Variants in NSD3 observed in about 807,000 individuals in gnomAD.
The protein encoded by NSD3 is histone-lysine N-methyltransferase NSD3.
Under a neutral mutation model 160.8 loss-of-function variants are expected in NSD3, and 24 were observed. That is an observed-to-expected ratio of 0.15 (90% CI 0.11 to 0.21). The LOEUF (loss-of-function observed/expected upper bound fraction) is 0.21. Among genes scored for constraint, NSD3 ranks in the 10% least tolerant of loss-of-function variants. The pLI, the probability that NSD3 is intolerant of heterozygous loss-of-function variation, is 1.00. For synonymous variants in NSD3, 520 were observed against 600.0 expected (o/e 0.87, Z 1.95); for missense variants, 1,157 against 1,735.9 (o/e 0.67, Z 5.93).
Position 38,319,446 on chromosome 8 carries a change from A to G in NSD3, c.1810-506T>C, listed in dbSNP as rs962439757. ...TAGAGAGTGCTACAGGGCTCCATACAGCTGGAAGCTCAATACTTTTGCTGC... is the reference window on the plus strand; with the variant it reads ...TAGAGAGTGCTACAGGGCTCCATACGGCTGGAAGCTCAATACTTTTGCTGC... On this transcript the variant is annotated intron_variant, in intron 8 of 23. Transcript: ENST00000317025. This position sits in a 1 kb window ranked among gnomAD's most constrained non-coding sequence, Gnocchi z 4.1. Among the ~76,000 whole-genome samples, 2 of 152,220 alleles carry G rather than the reference A, an allele frequency of 1.3e-5. No individual in the cohort carries two copies. The highest frequency in any genetic ancestry group is 2.9e-5 in the Non-Finnish European group (2 of 68,036).
At chr8:38,322,174 T>C (rs1162739441) in intron 7 of NSD3, among the ~76,000 whole-genome samples, 2 of 152,336 alleles carry the variant, frequency 1.3e-5, no homozygotes, top group East Asian at 3.9e-4. Context: ...TCTGGTTTCA[T>C]TGCTCTTGGC....
At chr8:38,379,151 C>T (rs965395333) in intron 1 of NSD3, among the ~76,000 whole-genome samples, 1 of 151,722 alleles carries the variant, frequency 6.6e-6, no homozygotes, top group Non-Finnish European at 1.5e-5. Flanking sequence ...GGCTGATGGA[C>T]ATATTAATTG....
At chr8:38,375,178 A>C (rs1430330262) in intron 1 of NSD3, among the ~76,000 whole-genome samples, 4 of 152,204 alleles carry the variant, frequency 2.6e-5, no homozygotes, top group African/African-American at 9.6e-5. Flanking sequence ...GCTAAAACTG[A>C]AACAGTATGA....
Position 38,283,959 on chromosome 8 carries a change from C to G in NSD3, c.3502-2376G>C, listed in dbSNP as rs1808794719. Among the ~76,000 whole-genome samples, 6 of 152,106 alleles carry G rather than the reference C, an allele frequency of 3.9e-5. 1 individual carries two copies. Among genetic ancestry groups the G allele is most frequent in the Admixed American group, 3.9e-4 (6 of 15,256 alleles). ...TCTACAAAAAATAAAAAGCATCAGC[C>G]AGGTGTGGTGGTGCATGGCTGTGGT... On this transcript the variant is annotated intron_variant, in intron 19 of 23. Coordinates refer to ENST00000317025, the MANE Select transcript of NSD3 (RefSeq NM_023034.2).
chr8:38,316,138 T>C lies in NSD3; in HGVS notation c.1856-96A>G, dbSNP rs1809657275. On this transcript the variant is annotated intron_variant, in intron 9 of 23. Coordinates refer to ENST00000317025, the MANE Select transcript of NSD3 (RefSeq NM_023034.2). The surrounding 1 kb of genome is among the most constrained non-coding windows in gnomAD (Gnocchi z 4.5). ...AGAATATTTTCTTTTCTCAAACTCA[T>C]CTTTAGTGTGGAAAAAGCATAGCTC... The C allele has an allele frequency of 6.7e-7, 1 of 1,499,340 alleles. No individual in the cohort carries two copies. Among genetic ancestry groups the C allele is most frequent in the Non-Finnish European group, 9.0e-7 (1 of 1,116,042 alleles). 92.9% of individuals were successfully genotyped at this position (1,499,340 alleles called of 1,614,324 possible). A position where few individuals can be genotyped will look rare whatever the true frequency, so the allele number is the denominator to read the frequency against.
intron 1 of NSD3, chr8:38,380,750 TAGAA>T (rs1489508745): frequency 6.6e-6 from 1 of 152,064 alleles, no homozygotes; most frequent in East Asian, 1.9e-4. Flanking sequence ...AGTTCATGAA[TAGAA>T]AGAAAGGGGG....
At chr8:38,363,681 A>ATAAATC (rs35635522) in intron 1 of NSD3, among the ~76,000 whole-genome samples, 1 of 151,422 alleles carries the variant, frequency 6.6e-6, no homozygotes, top group Non-Finnish European at 1.5e-5. Flanking sequence ...AAACAGCTAG[A>ATAAATC]TAAATCAAGG....
chr8:38,335,548 A>C (rs568247975), intron 4 of NSD3, among the ~76,000 whole-genome samples: 2 of 152,304 alleles, frequency 1.3e-5, no homozygotes, highest in South Asian at 4.1e-4. Context: ...TTTATTTAAG[A>C]AAGCATGGTC....
intron 7 of NSD3, among the ~76,000 whole-genome samples, chr8:38,323,285 T>C (rs949100759): frequency 6.6e-6 from 1 of 152,000 alleles, no homozygotes; most frequent in Non-Finnish European, 1.5e-5. Context: ...CTCAAACTCC[T>C]GACCTTGTGA....
rs781017879 is a variant in NSD3 at position 38,329,929 on chromosome 8, C to A, written c.1066-36G>T. ...GATAGAGATTATCAGACATGCTTTA[C>A]TCTAATAGGTACATTAAAATTGATA... is the stretch of plus-strand genomic sequence containing the variant. On this transcript the variant is annotated intron_variant, in intron 5 of 23. Transcript: ENST00000317025. The surrounding 1 kb of genome is among the most constrained non-coding windows in gnomAD (Gnocchi z 4.8). 2.6e-6 allele frequency: 4 copies of A among 1,528,656 alleles called. No homozygotes were observed. The highest frequency in any genetic ancestry group is 1.4e-5 in the African/African-American group (1 of 72,238). 94.7% of individuals were successfully genotyped at this position (1,528,656 alleles called of 1,614,324 possible).
At chr8:38,285,161 A>G (rs576553766) in intron 19 of NSD3, among the ~76,000 whole-genome samples, 7 of 152,370 alleles carry the variant, frequency 4.6e-5, no homozygotes, top group African/African-American at 1.4e-4. Flanking sequence ...CTGTCACTCA[A>G]TATTTAATAC....
chr8:38,346,530 C>T (rs1810540297), intron 2 of NSD3, among the ~76,000 whole-genome samples: 1 of 151,570 alleles, frequency 6.6e-6, no homozygotes, highest in Non-Finnish European at 1.5e-5. Flanking sequence ...AGTCTTAGAT[C>T]ATTGCCTAGC....
intron 6 of NSD3, among the ~76,000 whole-genome samples, chr8:38,327,712 T>C (rs1809950500): frequency 6.6e-6 from 1 of 152,068 alleles, no homozygotes; most frequent in Admixed American, 6.5e-5. Context: ...AGTGCTCTAT[T>C]ACACAGAAAA....
At chr8:38,352,722 C>G (rs1323993051) in intron 1 of NSD3, among the ~76,000 whole-genome samples, 9 of 152,038 alleles carry the variant, frequency 5.9e-5, no homozygotes, top group Admixed American at 5.9e-4. Context: ...ATTCTCTCAC[C>G]TCAGGCTCCC....
Position 38,347,726 on chromosome 8 carries a change from C to G in NSD3, c.446G>C (p.Gly149Ala). The G allele has an allele frequency of 6.2e-7, 1 of 1,612,126 alleles. No homozygotes were observed. The highest frequency in any genetic ancestry group is 8.5e-7 in the Non-Finnish European group (1 of 1,180,026). Reference protein sequence around the residue: ...VPQTVIPKKTGSPEIKLKITK... With the variant: ...VPQTVIPKKTASPEIKLKITK... ...TATTTTTAGTTTAATTTCAGGTGAG[C>G]CAGTCTTCTTTGGAATCACAGTTTG... Residue 149 changes from glycine to alanine, a missense_variant, in exon 2 of 24, where the codon GGC becomes GCC. Coordinates refer to ENST00000317025, the MANE Select transcript of NSD3 (RefSeq NM_023034.2).
chr8:38,303,399 C>CT, intron 14 of NSD3: 1 of 985,444 alleles, frequency 1.0e-6, no homozygotes, highest in Non-Finnish European at 1.2e-6. Flanking sequence ...TTTGACACTG[C>CT]TGTAGTTAAG....
At chr8:38,293,352 C>G (rs1809053007) in intron 16 of NSD3, among the ~76,000 whole-genome samples, 1 of 150,902 alleles carries the variant, frequency 6.6e-6, no homozygotes, top group Admixed American at 6.6e-5. Context: ...GAGATTGAGA[C>G]CATCCGGGCC....
chr8:38,373,215 C>T (rs1811300916), intron 1 of NSD3, among the ~76,000 whole-genome samples: 1 of 151,830 alleles, frequency 6.6e-6, no homozygotes, highest in African/African-American at 2.4e-5. Flanking sequence ...GATAGTTACC[C>T]GATGTTCACT....
chr8:38,335,502 G>C (rs1290380470), intron 4 of NSD3, among the ~76,000 whole-genome samples: 1 of 152,050 alleles, frequency 6.6e-6, no homozygotes, highest in Non-Finnish European at 1.5e-5. Flanking sequence ...TAACTTCTTA[G>C]AGAGTTCTGG....
Sources: gnomAD v4.1 joint callset for allele counts (sites outside exome capture counted in the v4.1 genomes callset) on GRCh38, gnomAD v4.1.1 for gene constraint, Gnocchi (gnomAD v3.1) non-coding constraint, MANE v1.5 for transcripts, NCBI Gene and HGNC (gene_info 2026-07-23, HGNC 2026-07-21) for gene names.